The following PCDH9 variants were observed in gnomAD, a reference collection of about 807,000 sequenced individuals.
The protein encoded by PCDH9 is protocadherin-9.
PCDH9 carries 24 observed loss-of-function variants against 70.6 expected under a neutral mutation model. The observed-to-expected ratio is 0.34, with a 90% CI of 0.25 to 0.48. The LOEUF (loss-of-function observed/expected upper bound fraction) is 0.48. PCDH9 is among the 20% of genes least tolerant of loss of function. PCDH9 has a pLI of 0.99. For missense variants in PCDH9, 1,281 were observed against 1,503.6 expected (o/e 0.85, Z 2.45); for synonymous variants, 562 against 558.5 (o/e 1.01, Z -0.09).
At chr13:67,188,652 C>T (rs2088824480) in intron 2 of PCDH9, among the ~76,000 whole-genome samples, 1 of 152,072 alleles carries the variant, frequency 6.6e-6, no homozygotes, top group Non-Finnish European at 1.5e-5. Flanking sequence ...TTTTACTTTA[C>T]TGGTGAATAA....
At chr13:66,879,414 A>G (rs2081882021) in intron 3 of PCDH9, among the ~76,000 whole-genome samples, 1 of 152,184 alleles carries the variant, frequency 6.6e-6, no homozygotes, top group African/African-American at 2.4e-5. Context: ...ATTAAAAAAA[A>G]CAATATGCCT....
chr13:66,630,030 T>A (rs2077549069), intron 4 of PCDH9, among the ~76,000 whole-genome samples: 1 of 152,164 alleles, frequency 6.6e-6, no homozygotes. Context: ...ATTTTCATGT[T>A]TGAAACAATA....
At chr13:66,415,756 A>G (rs1196642805) in intron 4 of PCDH9, among the ~76,000 whole-genome samples, 3 of 151,920 alleles carry the variant, frequency 2.0e-5, no homozygotes, top group Non-Finnish European at 2.9e-5. Flanking sequence ...AAAAAATCAT[A>G]GGAAAAACTA....
intron 3 of PCDH9, among the ~76,000 whole-genome samples, chr13:66,874,606 A>C (rs1000960370): frequency 7.9e-5 from 12 of 152,180 alleles, no homozygotes; most frequent in African/African-American, 2.9e-4. Flanking sequence ...CACAGTAACA[A>C]TTATATTACA....
chr13:66,874,433 T>C (rs2081759216), intron 3 of PCDH9, among the ~76,000 whole-genome samples: 1 of 152,306 alleles, frequency 6.6e-6, no homozygotes, highest in African/African-American at 2.4e-5. Flanking sequence ...GTCATCTGCC[T>C]TGTAGATTTT....
chr13:66,347,176 A>C lies in PCDH9; in HGVS notation c.3341-42148T>G, dbSNP rs186908873. ...TAAGAATGTCTCCAAAGAAAAATAT[A>C]TTAAAACTCTGGTTCAATTGCATAC... On this transcript the variant is annotated intron_variant, in intron 4 of 4. Transcript: ENST00000377865. 2.2e-3 allele frequency among the ~76,000 whole-genome samples: 329 copies of C among 152,334 alleles called. 1 individual carries two copies. Among genetic ancestry groups the C allele is most frequent in the Non-Finnish European group, 3.8e-3 (261 of 68,032 alleles).
chr13:66,962,431 A>G (rs1180168477), intron 2 of PCDH9, among the ~76,000 whole-genome samples: 3 of 152,218 alleles, frequency 2.0e-5, no homozygotes, highest in Admixed American at 6.5e-5. Flanking sequence ...GGTGATTAGA[A>G]CTGAGAAATG....
chr13:67,186,542 G>A (rs2088764716), intron 2 of PCDH9, among the ~76,000 whole-genome samples: 1 of 152,014 alleles, frequency 6.6e-6, no homozygotes, highest in South Asian at 2.1e-4. Context: ...CTGGTTCATG[G>A]GTAGACTGCA....
At chr13:66,345,514 A>G (rs954452922) in intron 4 of PCDH9, among the ~76,000 whole-genome samples, 2 of 152,144 alleles carry the variant, frequency 1.3e-5, no homozygotes, top group African/African-American at 4.8e-5. Flanking sequence ...CACAAGGCCA[A>G]TCTCCTGAAC....
At chr13:66,948,150 T>C (rs2083119724) in intron 2 of PCDH9, among the ~76,000 whole-genome samples, 1 of 152,074 alleles carries the variant, frequency 6.6e-6, no homozygotes, top group Non-Finnish European at 1.5e-5. Flanking sequence ...TTGACACAAA[T>C]TAGGACTCTG....
chr13:66,563,458 G>A (rs1193857649), intron 4 of PCDH9, among the ~76,000 whole-genome samples: 2 of 152,070 alleles, frequency 1.3e-5, no homozygotes, highest in African/African-American at 2.4e-5. Flanking sequence ...TAGCCACAAC[G>A]ATCTATTACA....
intron 4 of PCDH9, among the ~76,000 whole-genome samples, chr13:66,368,188 G>GTGAA (rs765970713): frequency 1.7e-4 from 26 of 151,992 alleles, no homozygotes; most frequent in Admixed American, 7.9e-4. Flanking sequence ...AGAACAGAGA[G>GTGAA]TGAACATTTT....
At chr13:66,673,318 T>C (rs116041947) in intron 3 of PCDH9, among the ~76,000 whole-genome samples, 3,272 of 152,228 alleles carry the variant, frequency 0.021, 89 homozygotes, top group African/African-American at 0.061. Flanking sequence ...ACGCCTTTGC[T>C]CCTCCTTCGT....
intron 2 of PCDH9, among the ~76,000 whole-genome samples, chr13:67,191,009 C>T (rs1327987280): frequency 1.3e-5 from 2 of 152,042 alleles, no homozygotes; most frequent in Non-Finnish European, 2.9e-5. Flanking sequence ...AAGGTCTTGA[C>T]CTCCATTCTA....
chr13:66,564,404 G>A (rs971697252), intron 4 of PCDH9, among the ~76,000 whole-genome samples: 2 of 152,004 alleles, frequency 1.3e-5, no homozygotes, highest in African/African-American at 4.8e-5. Context: ...GGGCTCAAAT[G>A]ATTCTCTCCC....
chr13:66,747,857 T>C (rs1305650859), intron 3 of PCDH9, among the ~76,000 whole-genome samples: 1 of 152,196 alleles, frequency 6.6e-6, no homozygotes, highest in Non-Finnish European at 1.5e-5. Context: ...AATTTATTAA[T>C]TGTGGTGTCT....
At chr13:66,988,485 G>C (rs963957305) in intron 2 of PCDH9, among the ~76,000 whole-genome samples, 1 of 151,934 alleles carries the variant, frequency 6.6e-6, no homozygotes, top group Non-Finnish European at 1.5e-5. Context: ...AGTTGGACAA[G>C]GTGTTACATT....
chr13:66,670,345 T>G (rs1300641322), intron 3 of PCDH9, among the ~76,000 whole-genome samples: 2 of 152,176 alleles, frequency 1.3e-5, no homozygotes, highest in Non-Finnish European at 2.9e-5. Flanking sequence ...GTCAGTAATA[T>G]CACTAATATC....
At chr13:66,805,321 G>C (rs573307789) in intron 3 of PCDH9, among the ~76,000 whole-genome samples, 1 of 152,098 alleles carries the variant, frequency 6.6e-6, no homozygotes, top group African/African-American at 2.4e-5. Flanking sequence ...GCAGTCAAAC[G>C]TATTCAGGAT....
Sources: allele counts gnomAD v4.1 joint callset (sites outside exome capture counted in the v4.1 genomes callset), GRCh38; gene constraint gnomAD v4.1.1; transcripts MANE v1.5; gene names NCBI Gene and HGNC (gene_info 2026-07-23, HGNC 2026-07-21).